The following SNX31 variants were observed in gnomAD, a reference collection of about 807,000 sequenced individuals.
SNX31 encodes the protein sorting nexin-31.
In SNX31, 58 loss-of-function variants were observed where a neutral mutation model predicts 65.4. The ratio of observed to expected loss-of-function variants is 0.89; its 90% CI spans 0.72 to 1.10. The LOEUF is 1.10. Among genes scored for constraint, SNX31 ranks in the 50% least tolerant of loss-of-function variants. The pLI is 0.00. For missense variants in SNX31, 523 were observed against 529.7 expected, an observed-to-expected ratio of 0.99 and a Z score of 0.12; for synonymous variants, 181 against 190.1, an observed-to-expected ratio of 0.95 and a Z score of 0.39.
rs1367101483 is a variant in SNX31, at chr8:100,573,326, T to G, written c.*539A>C. The G allele has an allele frequency of 6.6e-6, 1 of 152,216 alleles. No individual in the cohort carries two copies. The highest frequency in any genetic ancestry group is 1.5e-5 in the Non-Finnish European group (1 of 68,054). 9.4% of individuals were successfully genotyped at this position (152,216 alleles called of 1,614,324 possible). A position where few individuals can be genotyped will look rare whatever the true frequency, so the allele number is the denominator to read the frequency against. ...GGAAAGAGATCAGTATTTCATCACCTCCTTGCTCTAGTTCTGTGTGGATAG... is the reference window on the plus strand; with the variant it reads ...GGAAAGAGATCAGTATTTCATCACCGCCTTGCTCTAGTTCTGTGTGGATAG... On this transcript the variant is annotated 3_prime_UTR_variant, in exon 14 of 14. Coordinates refer to ENST00000311812, the MANE Select transcript of SNX31 (RefSeq NM_152628.4).
intron 9 of SNX31, among the ~76,000 whole-genome samples, chr8:100,597,914 C>T (rs73699410): frequency 0.021 from 3,198 of 152,276 alleles, 101 homozygotes; most frequent in African/African-American, 0.074. Context: ...GTTCTTCCAG[C>T]TTTCGCCATG....
chr8:100,597,258 T>G (rs1815190016), intron 9 of SNX31, among the ~76,000 whole-genome samples: 1 of 152,188 alleles, frequency 6.6e-6, no homozygotes, highest in South Asian at 2.1e-4. Context: ...TTTTTTTTTT[T>G]TTAGACGGAG....
In SNX31 at chr8:100,576,070, G is replaced by A. The variant is rs755023845; in HGVS notation, c.1227+949C>T. 1.3e-5 allele frequency among the ~76,000 whole-genome samples: 2 copies of A among 152,214 alleles called. No homozygotes were observed. The highest frequency in any genetic ancestry group is 2.4e-5 in the African/African-American group (1 of 41,460). On this transcript the variant is annotated intron_variant, in intron 13 of 13. Transcript: ENST00000311812. This position sits in a 1 kb window ranked among gnomAD's most constrained non-coding sequence, Gnocchi z 4.8. ...TTTTGGATCTGCCTAATGACACATA[G>A]CCAGTAAGCAGTGGAGTTCCTATCT...
At chr8:100,597,410 T>G (rs1253522238) in intron 9 of SNX31, among the ~76,000 whole-genome samples, 1 of 152,064 alleles carries the variant, frequency 6.6e-6, no homozygotes. Flanking sequence ...CCCAACTAAT[T>G]TTTGTATTTT....
In SNX31 at chr8:100,610,160, C is replaced by G. The variant is rs1816576023; in HGVS notation, c.612-1597G>C. 6.6e-6 allele frequency among the ~76,000 whole-genome samples: 1 copy of G among 152,194 alleles called. No homozygotes were observed. Among genetic ancestry groups the G allele is most frequent in the African/African-American group, 2.4e-5 (1 of 41,442 alleles). On this transcript the variant is annotated intron_variant, in intron 7 of 13. Transcript: ENST00000311812. This position sits in a 1 kb window ranked among gnomAD's most constrained non-coding sequence, Gnocchi z 4.0. ...AGTTCCCATCAACAGAGGCAATCTG[C>G]CTAGATCTGAGATGCTGGCTAATAA... is the stretch of plus-strand genomic sequence containing the variant.
At chr8:100,582,813 T>TA (rs562100583) in intron 12 of SNX31, among the ~76,000 whole-genome samples, 116 of 143,434 alleles carry the variant, frequency 8.1e-4, no homozygotes, top group African/African-American at 1.9e-3. Context: ...CTGTCTCTAC[T>TA]AAAAAAAAAA....
At chr8:100,582,432 C>T (rs545125826) in intron 12 of SNX31, 2 of 152,270 alleles carry the variant, frequency 1.3e-5, no homozygotes, top group South Asian at 4.1e-4. Flanking sequence ...TATTATATTA[C>T]TCTTTTAAAA....
intron 4 of SNX31, chr8:100,619,727 C>T (rs1817546171): frequency 6.6e-6 from 1 of 152,258 alleles, no homozygotes; most frequent in Admixed American, 6.5e-5. Flanking sequence ...GAGGTCACAG[C>T]CTTTCTCATC....
chr8:100,658,454 C>A (rs1016282042), intron 1 of SNX31, among the ~76,000 whole-genome samples: 2 of 152,206 alleles, frequency 1.3e-5, no homozygotes, highest in South Asian at 4.1e-4. Flanking sequence ...TGCTCAAATG[C>A]TGCTGCAGAG....
At chr8:100,611,863 C>T in intron 7 of SNX31, 137 bp downstream of exon 7, 2 of 681,022 alleles carry the variant, frequency 2.9e-6, no homozygotes, top group Non-Finnish European at 2.6e-6. Context: ...GCCTTCATTG[C>T]TTTTCTCAGA....
intron 11 of SNX31, 148 bp from the exon 12 acceptor site, chr8:100,584,336 T>G: frequency 1.8e-6 from 1 of 548,630 alleles, no homozygotes; most frequent in South Asian, 3.1e-5. Flanking sequence ...TCTAGAAGTT[T>G]TCATAAGATC....
At chr8:100,589,531 A>G (rs187860169) in intron 10 of SNX31, among the ~76,000 whole-genome samples, 1 of 152,328 alleles carries the variant, frequency 6.6e-6, no homozygotes, top group East Asian at 1.9e-4. Context: ...TGGAAGGGCC[A>G]TCTGAGCAGA....
chr8:100,607,345 G>A (rs550995253), intron 8 of SNX31, among the ~76,000 whole-genome samples: 1 of 152,228 alleles, frequency 6.6e-6, no homozygotes, highest in South Asian at 2.1e-4. Context: ...GGTGACCTGG[G>A]TGTGTATGTT....
chr8:100,650,850 GTT>G (rs58797178), upstream of SNX31, among the ~76,000 whole-genome samples: 2 of 136,944 alleles, frequency 1.5e-5, no homozygotes. Flanking sequence ...GTGTTTTTTT[GTT>G]TTTTTTTTTT....
chr8:100,574,630 TAAAAAA>T, intron 13 of SNX31, among the ~76,000 whole-genome samples: 1 of 132,074 alleles, frequency 7.6e-6, no homozygotes, highest in East Asian at 2.4e-4. Flanking sequence ...AGACTCCGTC[TAAAAAA>T]AAAAAAAAAA....
chr8:100,580,156 T>TAA (rs10608114), intron 12 of SNX31, among the ~76,000 whole-genome samples: 44 of 124,502 alleles, frequency 3.5e-4, no homozygotes, highest in Non-Finnish European at 3.7e-4. Flanking sequence ...AGCCTGTCTT[T>TAA]AAAAAAAAAA....
chr8:100,651,363 A>G (rs529251472), upstream of SNX31, among the ~76,000 whole-genome samples: 48 of 152,300 alleles, frequency 3.2e-4, no homozygotes, highest in African/African-American at 1.1e-3. Context: ...TCTGATCTTC[A>G]GGGCAAAGCA....
intron 12 of SNX31, among the ~76,000 whole-genome samples, chr8:100,579,802 T>C (rs1813338956): frequency 6.6e-6 from 1 of 152,124 alleles, no homozygotes; most frequent in Non-Finnish European, 1.5e-5. Context: ...AATTTTGAGA[T>C]CAGATCTACT....
rs747798735 is a variant in SNX31 at position 100,596,648 on chromosome 8, G to C, written c.969C>G (p.Val323=). The change falls in exon 10 of 14, where the codon GTC becomes GTG. Residue 323 remains valine (V), a synonymous_variant. Transcript: ENST00000311812. ...GTGCCAAGATACTCACAAGGAAAGT[G>C]ACCTGCCAGCACTTCACCCTGCTCA... ...FQMSRVKCWQ[V]TFLGTLLDTD... is the part of the protein sequence containing the mutation. The C allele has an allele frequency of 7.4e-6, 12 of 1,614,040 alleles. No individual in the cohort carries two copies. Among genetic ancestry groups the C allele is most frequent in the Non-Finnish European group, 1.0e-5 (12 of 1,179,914 alleles).
Sources: allele counts gnomAD v4.1 joint callset (sites outside exome capture counted in the v4.1 genomes callset), GRCh38; gene constraint gnomAD v4.1.1; non-coding constraint Gnocchi (gnomAD v3.1); transcripts MANE v1.5; gene names NCBI Gene and HGNC (gene_info 2026-07-23, HGNC 2026-07-21).